Variants in ALPK1 observed in about 807,000 individuals in gnomAD.
The protein encoded by ALPK1 is alpha kinase 1.
In ALPK1, 110 loss-of-function variants were observed where a neutral mutation model predicts 120.6. The observed-to-expected ratio is 0.91, with a 90% CI of 0.78 to 1.07. The LOEUF (loss-of-function observed/expected upper bound fraction) is 1.07, where lower values mean the gene tolerates loss of function less well. Ranked by LOEUF, ALPK1 falls within the 50% of genes least tolerant of loss-of-function variation. The probability of loss-of-function intolerance (pLI) is 0.00; values close to 1 mark genes in which losing one functional copy is unlikely to be tolerated. For synonymous variants in ALPK1, 582 were observed against 560.3 expected (o/e 1.04, Z -0.55); for missense variants, 1,498 against 1,483.9 (o/e 1.01, Z -0.16).
At chr4:112,358,736 C>G (rs1458203271) in intron 2 of ALPK1, 4 of 792,776 alleles carry the variant, frequency 5.0e-6, no homozygotes, top group Non-Finnish European at 4.6e-6. Flanking sequence ...TGGTCAGCCA[C>G]TCGGAGGAGC....
chr4:112,326,728 A>G (rs1488844477), intron 2 of ALPK1, among the ~76,000 whole-genome samples: 2 of 152,230 alleles, frequency 1.3e-5, no homozygotes, highest in East Asian at 3.8e-4. Flanking sequence ...CAGAACTCCA[A>G]CTTGAGGATG....
At chr4:112,429,338 T>C (rs764633175) in intron 10 of ALPK1, 85 bp downstream of exon 10, 127 of 1,078,244 alleles carry the variant, frequency 1.2e-4, no homozygotes, top group Middle Eastern at 2.2e-4. Context: ...GGGAAAGGTT[T>C]AACCTTCAAA....
chr4:112,391,786 A>C (rs549782723), intron 4 of ALPK1, among the ~76,000 whole-genome samples: 7 of 152,222 alleles, frequency 4.6e-5, no homozygotes, highest in Non-Finnish European at 8.8e-5. Flanking sequence ...AGCCTCCAGA[A>C]GTGAGGAATG....
chr4:112,410,242 C>T (rs1733390086), intron 4 of ALPK1, among the ~76,000 whole-genome samples: 3 of 152,010 alleles, frequency 2.0e-5, no homozygotes, highest in Non-Finnish European at 1.5e-5. Flanking sequence ...ATCCGGTTTC[C>T]TAACATAGAG....
At chr4:112,427,313 G>A (rs962338091) in intron 8 of ALPK1, among the ~76,000 whole-genome samples, 1 of 116,812 alleles carries the variant, frequency 8.6e-6, no homozygotes, top group Non-Finnish European at 1.8e-5. Context: ...ATGTCAAAAT[G>A]TCACATTGTA....
At chr4:112,414,070 G>A (rs1361180233) in intron 5 of ALPK1, among the ~76,000 whole-genome samples, 2 of 152,198 alleles carry the variant, frequency 1.3e-5, no homozygotes, top group Non-Finnish European at 2.9e-5. Flanking sequence ...CTGAGAGCAG[G>A]GATGGCTTAG....
chr4:112,385,728 C>T (rs1447078215), intron 4 of ALPK1, among the ~76,000 whole-genome samples: 1 of 152,100 alleles, frequency 6.6e-6, no homozygotes, highest in Non-Finnish European at 1.5e-5. Flanking sequence ...CATTGTATCC[C>T]AATCTGGTCG....
intron 2 of ALPK1, chr4:112,358,407 C>A: frequency 1.6e-6 from 1 of 632,866 alleles, no homozygotes; most frequent in Non-Finnish European, 2.9e-6. Flanking sequence ...GCAGAAGATG[C>A]TGTCAGGGTG....
At chr4:112,365,985 G>C (rs957754474) in intron 2 of ALPK1, among the ~76,000 whole-genome samples, 3 of 152,112 alleles carry the variant, frequency 2.0e-5, no homozygotes, top group Non-Finnish European at 4.4e-5. Context: ...AAATGGTGCT[G>C]GGATAATTGG....
At chr4:112,394,765 A>C (rs1426302922) in intron 4 of ALPK1, among the ~76,000 whole-genome samples, 1 of 152,166 alleles carries the variant, frequency 6.6e-6, no homozygotes, top group Admixed American at 6.5e-5. Flanking sequence ...GTCTCCCCAT[A>C]ATGAGGCCTG....
intron 2 of ALPK1, among the ~76,000 whole-genome samples, chr4:112,317,188 G>C (rs1350602830): frequency 6.6e-6 from 1 of 151,934 alleles, no homozygotes; most frequent in South Asian, 2.1e-4. Context: ...CATTTCATAG[G>C]TTTCCTTTTC....
rs554928370 is a variant in ALPK1 at position 112,427,927 on chromosome 4, T to C, written c.795+262T>C. 5 of 297,544 alleles carry C rather than the reference T, an allele frequency of 1.7e-5. No homozygotes were observed. In the South Asian group the frequency reaches 4.8e-4, roughly 28 times the overall value. 18.4% of individuals were successfully genotyped at this position (297,544 alleles called of 1,614,324 possible). On this transcript the variant is annotated intron_variant, in intron 9 of 15. Transcript: ENST00000650871. ...GAATGAATGAATATCAACAAAATGA[T>C]TTTGAGCCTCACTTCTTTCCTTTCA...
Position 112,359,503 on chromosome 4 carries a change from C to A in ALPK1, c.-100-18175C>A. On this transcript the variant is annotated intron_variant, in intron 2 of 15. Coordinates refer to ENST00000650871, the MANE Select transcript of ALPK1 (RefSeq NM_025144.4). ...ACATGCACAGACCTGGCCAGCCAGC[C>A]CAACCCAGGCATGGAGCCGCCAGGA... The A allele has an allele frequency of 1.1e-5, 3 of 262,064 alleles. No individual in the cohort carries two copies. The South Asian group carries it at 1.5e-4, about 13-fold the overall frequency. The allele number at this position is 262,064 out of a possible 1,614,324, so 16.2% of individuals were successfully genotyped here.
At chr4:112,356,948 T>G (rs542370564) in intron 2 of ALPK1, 1 of 762,744 alleles carries the variant, frequency 1.3e-6, no homozygotes, top group African/African-American at 1.7e-5. Context: ...TGACCCGAGT[T>G]CGGGACTGGA....
chr4:112,356,894 A>G (rs376439355), intron 2 of ALPK1: 8 of 750,160 alleles, frequency 1.1e-5, no homozygotes, highest in East Asian at 5.1e-5. Flanking sequence ...TCACAAGGTG[A>G]AGAAGACGTG....
intron 4 of ALPK1, among the ~76,000 whole-genome samples, chr4:112,394,646 T>C (rs954316491): frequency 6.6e-6 from 1 of 152,156 alleles, no homozygotes; most frequent in Non-Finnish European, 1.5e-5. Flanking sequence ...GGAAGATAAA[T>C]TAAAATGGTG....
Position 112,377,723 on chromosome 4 carries a change from C to T in ALPK1, c.-55C>T. On this transcript the variant is annotated 5_prime_UTR_variant, in exon 3 of 16. Coordinates refer to ENST00000650871, the MANE Select transcript of ALPK1 (RefSeq NM_025144.4). ...CTCCTTTATTGAGAATCAATGTCTT[C>T]TCCTAGGTAATTGATCACCCTAGAC... 11 of 1,464,968 alleles carry T rather than the reference C, an allele frequency of 7.5e-6. No homozygotes were observed. The highest frequency in any genetic ancestry group is 1.0e-5 in the Non-Finnish European group (11 of 1,091,234). 90.7% of individuals were successfully genotyped at this position (1,464,968 alleles called of 1,614,324 possible).
At chr4:112,404,522 G>A (rs1198756962) in intron 4 of ALPK1, among the ~76,000 whole-genome samples, 3 of 152,192 alleles carry the variant, frequency 2.0e-5, no homozygotes, top group African/African-American at 7.2e-5. Context: ...GAAACAAACT[G>A]AGATACTCAT....
At chr4:112,336,334 C>G (rs1213323057) in intron 2 of ALPK1, among the ~76,000 whole-genome samples, 2 of 152,108 alleles carry the variant, frequency 1.3e-5, no homozygotes, top group African/African-American at 4.8e-5. Context: ...GAGATTCAGA[C>G]AGATGTCACT....
Sources: gnomAD v4.1 joint callset for allele counts (sites outside exome capture counted in the v4.1 genomes callset) on GRCh38, gnomAD v4.1.1 for gene constraint, MANE v1.5 for transcripts, NCBI Gene and HGNC (gene_info 2026-07-23, HGNC 2026-07-21) for gene names.